The following UNC5D variants were observed in gnomAD, a reference collection of about 807,000 sequenced individuals.
The protein encoded by UNC5D is netrin receptor UNC5D.
In UNC5D, 39 loss-of-function variants were observed where a neutral mutation model predicts 105.4. That is an observed-to-expected ratio of 0.37 (90% CI 0.29 to 0.48). The LOEUF (loss-of-function observed/expected upper bound fraction) is 0.48, where lower values mean the gene tolerates loss of function less well. Among genes scored for constraint, UNC5D ranks in the 20% least tolerant of loss-of-function variants. The pLI, the probability that UNC5D is intolerant of heterozygous loss-of-function variation, is 0.98. For missense variants in UNC5D, 991 were observed against 1,202.4 expected (o/e 0.82, Z 2.60); for synonymous variants, 452 against 450.4 (o/e 1.00, Z -0.04).
chr8:35,579,642 T>C (rs1373629695), intron 3 of UNC5D, among the ~76,000 whole-genome samples: 1 of 152,156 alleles, frequency 6.6e-6, no homozygotes, highest in African/African-American at 2.4e-5. Context: ...ATGTGACCTA[T>C]GTGGGAAAGC....
chr8:35,619,087 G>T (rs1185254858), intron 4 of UNC5D, among the ~76,000 whole-genome samples: 3 of 152,046 alleles, frequency 2.0e-5, no homozygotes. Flanking sequence ...AATGAGACAT[G>T]GTCTGTTCCT....
chr8:35,546,510 G>C (rs988263329), intron 1 of UNC5D, among the ~76,000 whole-genome samples: 1 of 152,170 alleles, frequency 6.6e-6, no homozygotes, highest in Non-Finnish European at 1.5e-5. Context: ...ATGTCTGTAC[G>C]TGTCTGCTAA....
rs34886215 is a variant in UNC5D at position 35,393,125 on chromosome 8, CT to C, written c.104-156140del. On this transcript the variant is annotated intron_variant, in intron 1 of 16. Coordinates refer to ENST00000404895, the MANE Select transcript of UNC5D (RefSeq NM_080872.4). ...CTAAATATCTAAATACCTATTCCTA[CT>C]TTTTTTTTTTTTTTTTTTTTTTTTT... Among the ~76,000 whole-genome samples, 403 of 75,072 alleles carry C rather than the reference CT, an allele frequency of 5.4e-3. 1 individual carries two copies. The highest frequency in any genetic ancestry group is 0.015 in the African/African-American group (309 of 20,862). The allele number at this position is 75,072 out of a possible 152,430, so 49.3% of individuals were successfully genotyped here.
At chr8:35,280,779 A>G (rs977869943) in intron 1 of UNC5D, among the ~76,000 whole-genome samples, 2 of 152,056 alleles carry the variant, frequency 1.3e-5, no homozygotes, top group African/African-American at 4.8e-5. Flanking sequence ...GAAAGAGTGT[A>G]TTTCAGTGGA....
intron 1 of UNC5D, among the ~76,000 whole-genome samples, chr8:35,307,708 G>T (rs896127381): frequency 2.0e-5 from 3 of 152,104 alleles, no homozygotes; most frequent in Non-Finnish European, 1.5e-5. Context: ...AATTAACCTC[G>T]CATTTCCACT....
intron 1 of UNC5D, among the ~76,000 whole-genome samples, chr8:35,442,146 A>AT (rs902451455): frequency 6.6e-6 from 1 of 151,830 alleles, no homozygotes; most frequent in Non-Finnish European, 1.5e-5. Context: ...AGGTTATTAG[A>AT]TTTTTTTAAT....
intron 1 of UNC5D, among the ~76,000 whole-genome samples, chr8:35,422,572 T>A (rs1805990635): frequency 6.6e-6 from 1 of 152,210 alleles, no homozygotes; most frequent in Non-Finnish European, 1.5e-5. Context: ...AAAATTCCAT[T>A]TCTCTACAAA....
chr8:35,407,598 G>C (rs1804890583), intron 1 of UNC5D, among the ~76,000 whole-genome samples: 1 of 151,968 alleles, frequency 6.6e-6, no homozygotes, highest in Non-Finnish European at 1.5e-5. Flanking sequence ...AGGTAAACTT[G>C]TGTCATGGGG....
chr8:35,487,576 C>G (rs1414070685), intron 1 of UNC5D, among the ~76,000 whole-genome samples: 1 of 151,454 alleles, frequency 6.6e-6, no homozygotes, highest in African/African-American at 2.4e-5. Context: ...TACACACACA[C>G]ACACACACAC....
rs569539934 is a variant in UNC5D, at chr8:35,768,802, C to CA, written c.2478+1737dup. Among the ~76,000 whole-genome samples the CA allele has an allele frequency of 7.6e-4, 115 of 152,278 alleles. 2 individuals are homozygous for CA. The South Asian group carries it at 0.022, about 29-fold the overall frequency. On this transcript the variant is annotated intron_variant, in intron 15 of 16. Coordinates refer to ENST00000404895, the MANE Select transcript of UNC5D (RefSeq NM_080872.4). ...TTTACAGTCACTTAGAAATGCCTTG[C>CA]AGAAGATAACATCATAATATCTCTT...
At chr8:35,293,899 A>G (rs1807263971) in intron 1 of UNC5D, among the ~76,000 whole-genome samples, 1 of 152,230 alleles carries the variant, frequency 6.6e-6, no homozygotes, top group Non-Finnish European at 1.5e-5. Flanking sequence ...TGAATTAGAG[A>G]CATTGTATTT....
At chr8:35,744,840 G>A (rs1239140780) in intron 11 of UNC5D, among the ~76,000 whole-genome samples, 4 of 152,084 alleles carry the variant, frequency 2.6e-5, no homozygotes, top group African/African-American at 7.2e-5. Context: ...ATCACCTGAG[G>A]TCAGGAGTTC....
At chr8:35,415,839 A>G (rs925355770) in intron 1 of UNC5D, among the ~76,000 whole-genome samples, 2 of 152,274 alleles carry the variant, frequency 1.3e-5, no homozygotes, top group South Asian at 2.1e-4. Context: ...ATTTGTAATT[A>G]TTTTATGGAC....
At chr8:35,679,056 C>T (rs913893099) in intron 4 of UNC5D, among the ~76,000 whole-genome samples, 1 of 151,996 alleles carries the variant, frequency 6.6e-6, no homozygotes, top group Non-Finnish European at 1.5e-5. Flanking sequence ...CGAGACCAGC[C>T]TGAGAAACAT....
At chr8:35,333,699 C>T (rs955147306) in intron 1 of UNC5D, among the ~76,000 whole-genome samples, 12 of 152,046 alleles carry the variant, frequency 7.9e-5, no homozygotes, top group African/African-American at 2.2e-4. Flanking sequence ...AGGCTGGTCT[C>T]GAACTCCTGA....
chr8:35,281,345 A>G (rs1029303236), intron 1 of UNC5D, among the ~76,000 whole-genome samples: 1 of 151,976 alleles, frequency 6.6e-6, no homozygotes, highest in Non-Finnish European at 1.5e-5. Flanking sequence ...AAAGAGCTAT[A>G]CCTATGTTAC....
intron 1 of UNC5D, among the ~76,000 whole-genome samples, chr8:35,451,329 C>T (rs188434281): frequency 6.6e-6 from 1 of 152,270 alleles, no homozygotes. Context: ...AGGCATGAGC[C>T]ACTGCACCTG....
chr8:35,486,390 T>C (rs1810824778), intron 1 of UNC5D, among the ~76,000 whole-genome samples: 1 of 152,156 alleles, frequency 6.6e-6, no homozygotes, highest in South Asian at 2.1e-4. Context: ...CTAATACCGA[T>C]GCTGATGGAG....
At chr8:35,621,009 T>C (rs1821327868) in intron 4 of UNC5D, among the ~76,000 whole-genome samples, 1 of 152,146 alleles carries the variant, frequency 6.6e-6, no homozygotes, top group African/African-American at 2.4e-5. Flanking sequence ...CAGGGTACGA[T>C]GTTGAGCAAC....
Sources: allele counts gnomAD v4.1 joint callset (sites outside exome capture counted in the v4.1 genomes callset), GRCh38; gene constraint gnomAD v4.1.1; transcripts MANE v1.5; gene names NCBI Gene and HGNC (gene_info 2026-07-23, HGNC 2026-07-21).